The following RASSF3 variants were observed in gnomAD, a reference collection of about 807,000 sequenced individuals.
RASSF3 encodes ras association domain-containing protein 3.
A neutral mutation model predicts 19.9 loss-of-function variants in RASSF3; 19 were observed. The ratio of observed to expected loss-of-function variants is 0.96; its 90% CI spans 0.67 to 1.40. The LOEUF (loss-of-function observed/expected upper bound fraction) is 1.40, where lower values mean the gene tolerates loss of function less well. Ranked by LOEUF, RASSF3 falls within the 40% of genes most tolerant of loss-of-function variation. RASSF3 has a pLI of 0.00. For missense variants in RASSF3, 306 were observed against 289.8 expected (o/e 1.06, Z -0.41); for synonymous variants, 110 against 104.2 (o/e 1.06, Z -0.34).
Position 64,557,944 on chromosome 12 carries a change from G to A in RASSF3, c.294+16239G>A, listed in dbSNP as rs375053210. On this transcript the variant is annotated intron_variant, in intron 2 of 5. Transcript: ENST00000637125. ...AAGTGATTTCATACCTATGGATCAG[G>A]CATTGTATAAGACCCCAGACAGTCA... is the stretch of plus-strand genomic sequence containing the variant. Among the ~76,000 whole-genome samples, 9 of 152,222 alleles carry A rather than the reference G, an allele frequency of 5.9e-5. No homozygotes were observed. The East Asian group carries it at 7.7e-4, about 13-fold the overall frequency.
At chr12:64,611,285 T>G (rs1795615) in intron 1 of RASSF3, among the ~76,000 whole-genome samples, 104,336 of 152,114 alleles carry the variant, frequency 0.69, 36,470 homozygotes, top group South Asian at 0.82. Flanking sequence ...CACCATAGGC[T>G]CTCACTAAAT....
At chr12:64,578,958 A>G (rs1037116911) in intron 2 of RASSF3, among the ~76,000 whole-genome samples, 6 of 152,068 alleles carry the variant, frequency 3.9e-5, no homozygotes, top group Non-Finnish European at 7.4e-5. Context: ...TGGCCTGACC[A>G]ACAAGGTGAA....
At chr12:64,689,464 G>A (rs1027311149) in intron 3 of RASSF3, among the ~76,000 whole-genome samples, 2 of 152,110 alleles carry the variant, frequency 1.3e-5, no homozygotes, top group African/African-American at 4.8e-5. Flanking sequence ...TACCTTCAGA[G>A]GTCACAAGCT....
chr12:64,693,333 A>G lies in RASSF3; in HGVS notation c.568-1430A>G, dbSNP rs1415399054. Among the ~76,000 whole-genome samples, 3 of 151,874 alleles carry G rather than the reference A, an allele frequency of 2.0e-5. 1 individual carries two copies. Among genetic ancestry groups the G allele is most frequent in the Non-Finnish European group, 4.4e-5 (3 of 67,976 alleles). ...CCAGGGCCCCCTTTGGGAGAGGAGG[A>G]TGTGTTTGGAAAAAACCTCGTAGAT... is the stretch of plus-strand genomic sequence containing the variant. On this transcript the variant is annotated intron_variant, in intron 4 of 4. Coordinates refer to ENST00000542104, the MANE Select transcript of RASSF3 (RefSeq NM_178169.4).
At chr12:64,651,714 G>A (rs35011112) in intron 1 of RASSF3, among the ~76,000 whole-genome samples, 26,398 of 152,058 alleles carry the variant, frequency 0.17, 2,935 homozygotes, top group South Asian at 0.31. Context: ...CCAGGATGGA[G>A]TGCAGGGGTG....
chr12:64,625,288 T>C (rs1233524887), intron 1 of RASSF3, among the ~76,000 whole-genome samples: 4 of 152,106 alleles, frequency 2.6e-5, no homozygotes, highest in Non-Finnish European at 5.9e-5. Context: ...AATGGAGCTG[T>C]TGCCTGCTGA....
chr12:64,572,757 C>A (rs960517802), intron 2 of RASSF3, among the ~76,000 whole-genome samples: 10 of 152,202 alleles, frequency 6.6e-5, no homozygotes, highest in African/African-American at 2.4e-4. Context: ...ACAGAGGTTA[C>A]ATTTCCAACT....
chr12:64,636,402 C>T (rs1008178164), intron 1 of RASSF3, among the ~76,000 whole-genome samples: 6 of 152,032 alleles, frequency 3.9e-5, no homozygotes, highest in Non-Finnish European at 1.5e-5. Flanking sequence ...GCATGAGCCA[C>T]TGCACCTGGC....
chr12:64,639,126 T>A (rs1236977848), intron 1 of RASSF3, among the ~76,000 whole-genome samples: 1 of 152,192 alleles, frequency 6.6e-6, no homozygotes, highest in East Asian at 1.9e-4. Context: ...ATTAAGAAAT[T>A]ATTTTTTTAA....
At chr12:64,665,781 C>T (rs1005874237) in intron 1 of RASSF3, among the ~76,000 whole-genome samples, 1 of 152,220 alleles carries the variant, frequency 6.6e-6, no homozygotes, top group Non-Finnish European at 1.5e-5. Flanking sequence ...AACACTGCCA[C>T]GTCAGTAAAG....
Position 64,516,215 on chromosome 12 carries a change from C to T in RASSF3, c.169+8886C>T, listed in dbSNP as rs554597055. Among the ~76,000 whole-genome samples, 4 of 152,134 alleles carry T rather than the reference C, an allele frequency of 2.6e-5. No homozygotes were observed. In the South Asian group the frequency reaches 8.3e-4, roughly 32 times the overall value. On this transcript the variant is annotated intron_variant, in intron 1 of 5. Transcript: ENST00000637125. ...ATGTCTGATATATTGCCATTAAAGT[C>T]AGGAATAAGCAAGAATTTCCACTAT...
At position 64,610,761 on chromosome 12, in the gene RASSF3, G is replaced by GGCGCTGCAGCCC; in HGVS notation, c.111+23_111+34dup. The GGCGCTGCAGCCC allele has an allele frequency of 6.5e-7, 1 of 1,543,478 alleles. No homozygotes were observed. The highest frequency in any genetic ancestry group is 8.8e-7 in the Non-Finnish European group (1 of 1,134,482). On this transcript the variant is annotated intron_variant, in intron 1 of 4. Coordinates refer to ENST00000542104, the MANE Select transcript of RASSF3 (RefSeq NM_178169.4). ...GCCAACAAGTGAGTGGCGCGCGGCGGGCGCTGCAGCCCGCGCCCCAGAGTT... is the reference window on the plus strand; with the variant it reads ...GCCAACAAGTGAGTGGCGCGCGGCGGGCGCTGCAGCCCGCGCTGCAGCCCGCGCCCCAGAGTT...
At chr12:64,622,057 T>C (rs1325301588) in intron 1 of RASSF3, among the ~76,000 whole-genome samples, 1 of 152,082 alleles carries the variant, frequency 6.6e-6, no homozygotes, top group African/African-American at 2.4e-5. Context: ...ACCTAACTTA[T>C]TTATTTTTAT....
intron 1 of RASSF3, among the ~76,000 whole-genome samples, chr12:64,658,794 C>T (rs1221655772): frequency 1.3e-5 from 2 of 152,132 alleles, no homozygotes; most frequent in East Asian, 3.8e-4. Flanking sequence ...TTATGCTGGG[C>T]ATGATGGCTC....
rs552053870 is a variant in RASSF3, at chr12:64,574,077, C to T, written c.294+32372C>T. Among the ~76,000 whole-genome samples, 45 of 151,768 alleles carry T rather than the reference C, an allele frequency of 3.0e-4. 1 individual carries two copies. The highest frequency in any genetic ancestry group is 4.4e-4 in the Non-Finnish European group (30 of 67,914). The stretch of plus-strand genomic sequence containing the variant: ...TAGCAGTTTGGGAGGCCGAGGTGGG[C>T]GGATCACTTGAGGTCAGGAGTTCAA... On this transcript the variant is annotated intron_variant, in intron 2 of 5. Coordinates refer to the RASSF3 transcript ENST00000637125.
intron 2 of RASSF3, among the ~76,000 whole-genome samples, chr12:64,578,020 A>G (rs1327289311): frequency 6.6e-6 from 1 of 151,992 alleles, no homozygotes; most frequent in Admixed American, 6.6e-5. Flanking sequence ...GGAGTTTGAG[A>G]CCAGCCTGGC....
chr12:64,590,791 A>T (rs1459679027), intron 2 of RASSF3, among the ~76,000 whole-genome samples: 1 of 152,196 alleles, frequency 6.6e-6, no homozygotes, highest in East Asian at 1.9e-4. Context: ...GCATGGACCC[A>T]TCACTTAACT....
intron 1 of RASSF3, among the ~76,000 whole-genome samples, chr12:64,630,195 A>G (rs1871129770): frequency 6.6e-6 from 1 of 151,992 alleles, no homozygotes; most frequent in South Asian, 2.1e-4. Context: ...GTGGGCTGCC[A>G]TATGTATAAT....
chr12:64,614,373 C>T (rs938771695), intron 1 of RASSF3, among the ~76,000 whole-genome samples: 2 of 152,092 alleles, frequency 1.3e-5, no homozygotes, highest in Non-Finnish European at 2.9e-5. Flanking sequence ...GGTGATCTGC[C>T]CGCCTCGGCC....
Sources: allele counts gnomAD v4.1 joint callset (sites outside exome capture counted in the v4.1 genomes callset), GRCh38; gene constraint gnomAD v4.1.1; transcripts MANE v1.5; gene names NCBI Gene and HGNC (gene_info 2026-07-23, HGNC 2026-07-21).